ZNF721: variants seen among roughly 807,000 people sequenced by gnomAD.
The protein encoded by ZNF721 is zinc finger protein 721.
A neutral mutation model predicts 2.4 loss-of-function variants in ZNF721; 2 were observed. The observed-to-expected ratio is 0.82, with a 90% CI of 0.34 to 2.58. The LOEUF is 2.58. Ranked by LOEUF, ZNF721 falls within the 30% of genes most tolerant of loss-of-function variation. ZNF721 has a pLI of 0.11. For missense variants in ZNF721, 1,187 were observed against 1,085.5 expected (o/e 1.09, Z -1.31); for synonymous variants, 398 against 381.8 (o/e 1.04, Z -0.50).
chr4:477,480 C>T (rs748032431), intron 1 of ZNF721, among the ~76,000 whole-genome samples: 6 of 151,934 alleles, frequency 3.9e-5, no homozygotes, highest in East Asian at 1.9e-4. Context: ...CCTCGTGATC[C>T]GCCTGCCTCG....
chr4:472,717 T>C lies in ZNF721; in HGVS notation c.-93-16A>G, dbSNP rs1174201369. On this transcript the variant is annotated splice_polypyrimidine_tract_variant and intron_variant, in intron 1 of 2. Coordinates refer to ENST00000511833, the MANE Select transcript of ZNF721 (RefSeq NM_133474.4). The stretch of plus-strand genomic sequence containing the variant: ...TTAAGGGTTCCTGAAAATACATATG[T>C]ATCAAGTGACAGAGTTCTTAATTTG... The C allele has an allele frequency of 6.2e-7, 1 of 1,610,528 alleles. No homozygotes were observed. Among genetic ancestry groups the C allele is most frequent in the Non-Finnish European group, 8.5e-7 (1 of 1,179,276 alleles).
At position 443,009 on chromosome 4, in the gene ZNF721, T is replaced by C. The variant is rs868967037; in HGVS notation, c.1458A>G (p.Ser486=). The change falls in exon 3 of 3, where the codon TCA becomes TCG. Residue 486 remains serine, a synonymous_variant. Coordinates refer to ENST00000511833, the MANE Select transcript of ZNF721 (RefSeq NM_133474.4). ...KQCGKVITSS[S]SFAKHKRIHT... The stretch of plus-strand genomic sequence containing the variant: ...GAATCCTCTTATGTTTAGCAAAGCT[T>C]GAGGATGAGGTAATGACTTTGCCAC... 40 of 1,613,730 alleles carry C rather than the reference T, an allele frequency of 2.5e-5. No homozygotes were observed. In the Middle Eastern group the frequency reaches 2.5e-3, roughly 100 times the overall value.
intron 1 of ZNF721, among the ~76,000 whole-genome samples, chr4:496,902 T>C (rs1036283193): frequency 3.3e-5 from 5 of 151,138 alleles, no homozygotes; most frequent in African/African-American, 1.2e-4. Context: ...TTAGTAGAGA[T>C]GGGGTTTCAC....
chr4:496,296 C>T (rs531596765), intron 1 of ZNF721, among the ~76,000 whole-genome samples: 2 of 152,262 alleles, frequency 1.3e-5, no homozygotes, highest in South Asian at 4.2e-4. Flanking sequence ...GGCTGTTACC[C>T]CCCGAACTGG....
At chr4:488,659 A>ATCTCTAC (rs1715952620) in intron 1 of ZNF721, among the ~76,000 whole-genome samples, 1 of 152,028 alleles carries the variant, frequency 6.6e-6, no homozygotes, top group African/African-American at 2.4e-5. Context: ...GTGAAACCGC[A>ATCTCTAC]TCTCTACTAA....
chr4:471,922 C>T (rs1395750192), intron 2 of ZNF721, among the ~76,000 whole-genome samples: 1 of 152,142 alleles, frequency 6.6e-6, no homozygotes, highest in African/African-American at 2.4e-5. Flanking sequence ...ATCCATGTCA[C>T]ACAAACACAG....
Position 450,950 on chromosome 4 carries a change from AAAAAAAATATATATATAT to A in ZNF721, c.35-6536_35-6519del, listed in dbSNP as rs1412491600. Among the ~76,000 whole-genome samples the A allele has an allele frequency of 3.3e-3, 147 of 45,032 alleles. 8 individuals carry two copies. Among genetic ancestry groups the A allele is most frequent in the African/African-American group, 0.013 (126 of 9,472 alleles). 29.5% of individuals were successfully genotyped at this position (45,032 alleles called of 152,430 possible). Reference sequence around the variant, plus strand: ...AGACTCTGTCTCCAAAAAAAAAAAAAAAAAAAATATATATATATATATATATATATATATATATATATA... The same window carrying A: ...AGACTCTGTCTCCAAAAAAAAAAAAAATATATATATATATATATATATATA... On this transcript the variant is annotated intron_variant, in intron 2 of 2. Coordinates refer to ENST00000511833, the MANE Select transcript of ZNF721 (RefSeq NM_133474.4).
rs77878150 is a variant in ZNF721, at chr4:447,990, T to G, written c.35-3558A>C. ...TAGGATATTTAAATACCCCAATTTC[T>G]ATAAAGAATAATGAAACAAGATAAA... On this transcript the variant is annotated intron_variant, in intron 2 of 2. Transcript: ENST00000511833. 2.6e-3 allele frequency among the ~76,000 whole-genome samples: 393 copies of G among 152,276 alleles called. 2 individuals carry two copies. The highest frequency in any genetic ancestry group is 8.8e-3 in the African/African-American group (366 of 41,556).
intron 1 of ZNF721, among the ~76,000 whole-genome samples, chr4:497,860 T>G (rs1380986319): frequency 6.6e-6 from 1 of 150,494 alleles, no homozygotes; most frequent in Non-Finnish European, 1.5e-5. Flanking sequence ...ATGGTGCCAC[T>G]GCACTCCAGG....
At chr4:488,838 T>A (rs1409421486) in intron 1 of ZNF721, among the ~76,000 whole-genome samples, 10 of 150,742 alleles carry the variant, frequency 6.6e-5, no homozygotes, top group Admixed American at 1.3e-4. Flanking sequence ...CAAAAAAAAA[T>A]AAAATAAATA....
chr4:451,272 G>A (rs777856266), intron 2 of ZNF721, among the ~76,000 whole-genome samples: 4 of 152,012 alleles, frequency 2.6e-5, no homozygotes, highest in Non-Finnish European at 4.4e-5. Flanking sequence ...GCCCCTTGAC[G>A]TCTTCAGCCA....
rs782096306 is a variant in ZNF721, at chr4:441,740, A to G, written c.2727T>C (p.Tyr909=). Residue 909 remains tyrosine (Y), a synonymous_variant, in exon 3 of 3, where the codon TAT becomes TAC. Coordinates refer to ENST00000511833, the MANE Select transcript of ZNF721 (RefSeq NM_133474.4). ...GKTFRQSANL[Y]AHKKIHTGDK... The stretch of plus-strand genomic sequence containing the variant: ...CTCCAGTATGAATTTTCTTATGTGC[A>G]TAAAGATTTGCAGACTGTCTAAAGG... 2.5e-6 allele frequency: 4 copies of G among 1,613,156 alleles called. No homozygotes were observed. The highest frequency in any genetic ancestry group is 4.5e-5 in the East Asian group (2 of 44,852).
intron 1 of ZNF721, among the ~76,000 whole-genome samples, chr4:474,800 T>C (rs1715582186): frequency 6.7e-6 from 1 of 149,016 alleles, no homozygotes; most frequent in South Asian, 2.1e-4. Flanking sequence ...CGCTTGAACC[T>C]GGGGGGTGGA....
At chr4:447,675 T>TTA (rs1641512769) in intron 2 of ZNF721, among the ~76,000 whole-genome samples, 1 of 151,914 alleles carries the variant, frequency 6.6e-6, no homozygotes, top group African/African-American at 2.4e-5. Flanking sequence ...TGTAATAATT[T>TTA]AAAAAGACTG....
intron 1 of ZNF721, among the ~76,000 whole-genome samples, chr4:484,679 A>G (rs538037121): frequency 2.0e-5 from 3 of 152,286 alleles, no homozygotes; most frequent in South Asian, 4.2e-4. Context: ...ATTCCCACCT[A>G]ATAAATTTTG....
intron 1 of ZNF721, among the ~76,000 whole-genome samples, chr4:484,499 G>A (rs1159973697): frequency 2.6e-5 from 4 of 152,164 alleles, no homozygotes; most frequent in Non-Finnish European, 5.9e-5. Context: ...GAGAAATATC[G>A]CTGAATTCTT....
Position 443,049 on chromosome 4 carries a change from T to C in ZNF721, c.1418A>G (p.Tyr473Cys), listed in dbSNP as rs1576950531. The C allele has an allele frequency of 6.2e-7, 1 of 1,613,834 alleles. No individual in the cohort carries two copies. Among genetic ancestry groups the C allele is most frequent in the Non-Finnish European group, 8.5e-7 (1 of 1,179,772 alleles). ...GACTTTGCCACATTGCTTACATTTG[T>C]AGGGTTTCTTTCCAGTATGAATTTT... ...HEKIHTGKKPYKCKQCGKVIT... is the reference protein window; with the variant it reads ...HEKIHTGKKPCKCKQCGKVIT... Residue 473 changes from tyrosine to cysteine, a missense_variant, in exon 3 of 3, where the codon TAC becomes TGC. Coordinates refer to ENST00000511833, the MANE Select transcript of ZNF721 (RefSeq NM_133474.4).
rs1576949552 is a variant in ZNF721 at position 442,082 on chromosome 4, G to A, written c.2385C>T (p.Ser795=). 6.2e-7 allele frequency: 1 copy of A among 1,613,908 alleles called. No individual in the cohort carries two copies. The highest frequency in any genetic ancestry group is 8.5e-7 in the Non-Finnish European group (1 of 1,179,810). ...ECGKVITSSS[S]FAKHKRIHTG... Reference sequence around the variant, plus strand: ...TATGAATCCTCTTATGTTTAGCAAAGCTTGAGGATGACGTAATGACTTTGC... The same window carrying A: ...TATGAATCCTCTTATGTTTAGCAAAACTTGAGGATGACGTAATGACTTTGC... Residue 795 remains serine, a synonymous_variant, in exon 3 of 3, where the codon AGC becomes AGT. Coordinates refer to ENST00000511833, the MANE Select transcript of ZNF721 (RefSeq NM_133474.4).
chr4:496,054 AAT>A (rs1716144114), intron 1 of ZNF721, among the ~76,000 whole-genome samples: 2 of 152,174 alleles, frequency 1.3e-5, no homozygotes, highest in African/African-American at 4.8e-5. Context: ...TTGTTATGTA[AAT>A]AAAATCCCTT....
Sources: gnomAD v4.1 joint callset for allele counts (sites outside exome capture counted in the v4.1 genomes callset) on GRCh38, gnomAD v4.1.1 for gene constraint, MANE v1.5 for transcripts, NCBI Gene and HGNC (gene_info 2026-07-23, HGNC 2026-07-21) for gene names.